TENM3: variants seen among roughly 807,000 people sequenced by gnomAD.
The protein encoded by TENM3 is teneurin transmembrane protein 3.
A neutral mutation model predicts 255.1 loss-of-function variants in TENM3; 63 were observed. The observed-to-expected ratio is 0.25, with a 90% confidence interval of 0.20 to 0.30. The LOEUF (loss-of-function observed/expected upper bound fraction) is 0.30. Among genes scored for constraint, TENM3 ranks in the 10% least tolerant of loss-of-function variants. The probability of loss-of-function intolerance (pLI) is 1.00; values close to 1 mark genes in which losing one functional copy is unlikely to be tolerated. For missense variants in TENM3, 2,929 were observed against 3,461.1 expected, an observed-to-expected ratio of 0.85 and a Z score of 3.86; for synonymous variants, 1,306 against 1,322.3, an observed-to-expected ratio of 0.99 and a Z score of 0.27.
Position 182,347,022 on chromosome 4 carries a change from T to C in TENM3, c.511+93T>C, listed in dbSNP as rs1764872308. On this transcript the variant is annotated intron_variant, in intron 3 of 27. Transcript: ENST00000511685. ...GGGGGGGATGTTTTTCTTTCTCTCC[T>C]TCCTCTCATCCTTCTTTCTCTCTCT... is the stretch of plus-strand genomic sequence containing the variant. 8.8e-6 allele frequency: 9 copies of C among 1,026,018 alleles called. No homozygotes were observed. The South Asian group carries it at 1.6e-4, about 18-fold the overall frequency. The allele number at this position is 1,026,018 out of a possible 1,614,324, so 63.6% of individuals were successfully genotyped here. A position where few individuals can be genotyped will look rare whatever the true frequency, so the allele number is the denominator to read the frequency against.
At chr4:182,207,043 A>G (rs1754630806) in intron 1 of TENM3, among the ~76,000 whole-genome samples, 1 of 152,192 alleles carries the variant, frequency 6.6e-6, no homozygotes, top group South Asian at 2.1e-4. Context: ...AGCTGCTCAG[A>G]GCCTACAGTT....
chr4:181,537,007 T>A, the TENM3 span, among the ~76,000 whole-genome samples: 2 of 152,198 alleles, frequency 1.3e-5, no homozygotes, highest in Admixed American at 1.3e-4. Flanking sequence ...AATGATAAAG[T>A]AAGACTTCCC....
chr4:181,628,737 C>A, the TENM3 span, among the ~76,000 whole-genome samples: 4 of 152,134 alleles, frequency 2.6e-5, no homozygotes, highest in Non-Finnish European at 4.4e-5. Context: ...GTTCCTGTAG[C>A]CTTGTAGTAT....
At chr4:182,350,861 T>A (rs764293716) in intron 3 of TENM3, among the ~76,000 whole-genome samples, 1 of 152,076 alleles carries the variant, frequency 6.6e-6, no homozygotes, top group Non-Finnish European at 1.5e-5. Flanking sequence ...ATTTTTGTAT[T>A]TTTAGTAGAG....
At chr4:182,377,124 A>C (rs562431293) in intron 3 of TENM3, among the ~76,000 whole-genome samples, 2 of 152,232 alleles carry the variant, frequency 1.3e-5, no homozygotes, top group South Asian at 4.1e-4. Context: ...ACACATTTTT[A>C]GTTTAGTACC....
At chr4:182,528,526 C>T (rs759677878) in intron 3 of TENM3, among the ~76,000 whole-genome samples, 45 of 152,156 alleles carry the variant, frequency 3.0e-4, no homozygotes, top group Non-Finnish European at 5.9e-4. Context: ...AAGAGTGATT[C>T]TTTTTTATCA....
chr4:182,734,319 C>T (rs1761001074), intron 16 of TENM3, among the ~76,000 whole-genome samples: 1 of 152,110 alleles, frequency 6.6e-6, no homozygotes, highest in Non-Finnish European at 1.5e-5. Flanking sequence ...ACCCCAGGGC[C>T]AGCTGATGAA....
At chr4:181,638,571 C>G in the TENM3 span, among the ~76,000 whole-genome samples, 2 of 152,268 alleles carry the variant, frequency 1.3e-5, no homozygotes, top group South Asian at 2.1e-4. Flanking sequence ...CTGTCTGAAC[C>G]TTTTCACTGC....
chr4:182,041,195 G>A, the TENM3 span, among the ~76,000 whole-genome samples: 69 of 152,210 alleles, frequency 4.5e-4, no homozygotes, highest in African/African-American at 1.3e-3. Flanking sequence ...TGTGTGTCGT[G>A]TATGTATGTG....
At chr4:181,799,346 A>G in the TENM3 span, among the ~76,000 whole-genome samples, 58 of 152,384 alleles carry the variant, frequency 3.8e-4, no homozygotes, top group African/African-American at 1.3e-3. Context: ...AATGTAGAAT[A>G]TAATGTCAAA....
the TENM3 span, among the ~76,000 whole-genome samples, chr4:181,877,840 C>A: frequency 6.6e-6 from 1 of 152,178 alleles, no homozygotes; most frequent in Non-Finnish European, 1.5e-5. Context: ...CAAATAGCCA[C>A]ATCTATTACA....
chr4:181,888,526 A>ATATATGTG, the TENM3 span, among the ~76,000 whole-genome samples: 42 of 87,700 alleles, frequency 4.8e-4, 1 homozygote, highest in Middle Eastern at 5.5e-3. Flanking sequence ...GTATATATAT[A>ATATATGTG]CATATATGTG....
chr4:182,712,430 TAAAA>T (rs79642394), intron 12 of TENM3, among the ~76,000 whole-genome samples: 3 of 140,980 alleles, frequency 2.1e-5, no homozygotes, highest in African/African-American at 5.3e-5. Context: ...TCGTTTTCAT[TAAAA>T]AAAAAAAAAA....
At chr4:182,497,880 A>ATATATATC (rs1389184818) in intron 3 of TENM3, among the ~76,000 whole-genome samples, 3 of 146,414 alleles carry the variant, frequency 2.0e-5, no homozygotes, top group African/African-American at 7.6e-5. Flanking sequence ...ATATATATAT[A>ATATATATC]TATCTCAACC....
At chr4:181,575,349 G>C in the TENM3 span, among the ~76,000 whole-genome samples, 1 of 151,884 alleles carries the variant, frequency 6.6e-6, no homozygotes, top group Non-Finnish European at 1.5e-5. Context: ...TATACCAATA[G>C]GTTGATCTAA....
chr4:181,546,942 A>G, the TENM3 span, among the ~76,000 whole-genome samples: 1 of 152,004 alleles, frequency 6.6e-6, no homozygotes, highest in Non-Finnish European at 1.5e-5. Flanking sequence ...TTGCTACTTC[A>G]CATTTCATTT....
intron 1 of TENM3, among the ~76,000 whole-genome samples, chr4:182,203,497 T>G (rs973084064): frequency 1.3e-5 from 2 of 152,146 alleles, no homozygotes; most frequent in Non-Finnish European, 2.9e-5. Flanking sequence ...AGAGCTGTCT[T>G]AAGGTCTTCA....
chr4:181,641,760 A>G, the TENM3 span, among the ~76,000 whole-genome samples: 7,970 of 114,512 alleles, frequency 0.07, 410 homozygotes, highest in South Asian at 0.11. Context: ...CATGGTGTGT[A>G]TATATATATA....
At chr4:181,918,236 ATT>A in the TENM3 span, among the ~76,000 whole-genome samples, 1 of 152,212 alleles carries the variant, frequency 6.6e-6, no homozygotes, top group Non-Finnish European at 1.5e-5. Context: ...AAATTTGCAT[ATT>A]CATTCTAACA....
Sources: gnomAD v4.1 joint callset for allele counts (sites outside exome capture counted in the v4.1 genomes callset) on GRCh38, gnomAD v4.1.1 for gene constraint, MANE v1.5 for transcripts, NCBI Gene and HGNC (gene_info 2026-07-23, HGNC 2026-07-21) for gene names.